Variants in WDR70 observed in about 807,000 individuals in gnomAD.
WDR70 encodes the protein WD repeat domain 70.
Under a neutral mutation model 88.6 loss-of-function variants are expected in WDR70, and 53 were observed. That is an observed-to-expected ratio of 0.60 (90% confidence interval 0.48 to 0.75). The LOEUF (loss-of-function observed/expected upper bound fraction) is 0.75. WDR70 is among the 30% of genes least tolerant of loss of function. The pLI, the probability that WDR70 is intolerant of heterozygous loss-of-function variation, is 0.00. For missense variants in WDR70, 610 were observed against 823.2 expected (o/e 0.74, Z 3.17); for synonymous variants, 280 against 270.0 (o/e 1.04, Z -0.36).
chr5:37,701,468 C>CTT (rs1561080094), intron 12 of WDR70, among the ~76,000 whole-genome samples: 2 of 151,982 alleles, frequency 1.3e-5, no homozygotes, highest in African/African-American at 4.8e-5. Context: ...CAAGGTAGGC[C>CTT]TTTTAAAATT....
At chr5:37,508,524 A>T (rs1239783337) in intron 8 of WDR70, among the ~76,000 whole-genome samples, 1 of 152,200 alleles carries the variant, frequency 6.6e-6, no homozygotes, top group Non-Finnish European at 1.5e-5. Flanking sequence ...AGAGTTTTTT[A>T]TCATGAATGG....
intron 5 of WDR70, among the ~76,000 whole-genome samples, chr5:37,414,409 A>C (rs1283665494): frequency 6.6e-6 from 1 of 152,106 alleles, no homozygotes; most frequent in Non-Finnish European, 1.5e-5. Context: ...AGAACTTCAC[A>C]TGGCTCCCTT....
intron 6 of WDR70, among the ~76,000 whole-genome samples, chr5:37,440,624 C>A (rs1296010142): frequency 6.6e-6 from 1 of 152,220 alleles, no homozygotes; most frequent in South Asian, 2.1e-4. Flanking sequence ...GGATTACAGG[C>A]GTGAGCCACT....
chr5:37,444,941 T>C (rs1404838047), intron 7 of WDR70, among the ~76,000 whole-genome samples: 3 of 152,154 alleles, frequency 2.0e-5, no homozygotes, highest in Non-Finnish European at 4.4e-5. Context: ...AATCGAATGC[T>C]ATTGTTGATC....
In WDR70 at chr5:37,448,476, G is replaced by A. The variant is rs571007485; in HGVS notation, c.686+5104G>A. 2.4e-3 allele frequency among the ~76,000 whole-genome samples: 367 copies of A among 152,164 alleles called. 2 individuals are homozygous for A. Among genetic ancestry groups the A allele is most frequent in the African/African-American group, 8.3e-3 (343 of 41,518 alleles). On this transcript the variant is annotated intron_variant, in intron 7 of 17. Transcript: ENST00000265107. ...GGAAAGAGGTAGAAAATATAGACGC[G>A]TATGTATTCATGCATATATGTGTCT...
intron 10 of WDR70, chr5:37,687,962 C>G (rs754279449): frequency 2.9e-6 from 2 of 691,152 alleles, no homozygotes; most frequent in South Asian, 3.1e-5. Flanking sequence ...TGGGCTCACA[C>G]TGAAGTTTGT....
intron 10 of WDR70, among the ~76,000 whole-genome samples, chr5:37,652,681 TA>T (rs990403759): frequency 5.1e-4 from 77 of 152,176 alleles, no homozygotes; most frequent in African/African-American, 1.9e-3. Flanking sequence ...GATTCCTAGG[TA>T]TTTTATTCTC....
At chr5:37,414,745 A>T (rs1316277955) in intron 5 of WDR70, among the ~76,000 whole-genome samples, 3 of 151,944 alleles carry the variant, frequency 2.0e-5, no homozygotes, top group Admixed American at 1.3e-4. Context: ...TAAACATTTC[A>T]TTGAATCAAA....
chr5:37,455,902 G>A (rs1738821903), intron 7 of WDR70, among the ~76,000 whole-genome samples: 1 of 151,994 alleles, frequency 6.6e-6, no homozygotes. Context: ...GGTAACCACT[G>A]ATGTGATTTT....
intron 10 of WDR70, among the ~76,000 whole-genome samples, chr5:37,609,077 A>G (rs1744114271): frequency 6.6e-6 from 1 of 152,244 alleles, no homozygotes; most frequent in African/African-American, 2.4e-5. Context: ...ACATTTAAAG[A>G]ATAGTAGCAT....
chr5:37,413,484 A>T (rs1035917432), intron 5 of WDR70, among the ~76,000 whole-genome samples: 2 of 152,102 alleles, frequency 1.3e-5, no homozygotes, highest in Non-Finnish European at 2.9e-5. Context: ...GCACTTTGGG[A>T]GGCTGAGGTG....
chr5:37,560,884 C>G (rs1352276927), intron 9 of WDR70, among the ~76,000 whole-genome samples: 1 of 149,018 alleles, frequency 6.7e-6, no homozygotes, highest in South Asian at 2.1e-4. Flanking sequence ...CAATAATAGC[C>G]CACTGCAGCC....
intron 3 of WDR70, among the ~76,000 whole-genome samples, chr5:37,388,086 G>A (rs1277095468): frequency 6.6e-6 from 1 of 151,948 alleles, no homozygotes; most frequent in Non-Finnish European, 1.5e-5. Flanking sequence ...GTTCTTGAAA[G>A]CTATAAGTAT....
At chr5:37,543,549 G>A (rs1403355711) in intron 9 of WDR70, among the ~76,000 whole-genome samples, 1 of 151,920 alleles carries the variant, frequency 6.6e-6, no homozygotes, top group Non-Finnish European at 1.5e-5. Flanking sequence ...CAGATATGAT[G>A]AACTGTTATA....
intron 5 of WDR70, among the ~76,000 whole-genome samples, chr5:37,419,408 C>T (rs1452230787): frequency 1.3e-5 from 2 of 149,980 alleles, no homozygotes; most frequent in Non-Finnish European, 3.0e-5. Context: ...GTTTCACCAT[C>T]TTGGCCAGGC....
chr5:37,470,510 C>T (rs1318654497), intron 7 of WDR70, among the ~76,000 whole-genome samples: 1 of 152,204 alleles, frequency 6.6e-6, no homozygotes, highest in African/African-American at 2.4e-5. Flanking sequence ...CCACAACCTT[C>T]TCATCCTGAC....
intron 3 of WDR70, among the ~76,000 whole-genome samples, chr5:37,384,638 C>T (rs1300728649): frequency 9.4e-5 from 11 of 116,790 alleles, no homozygotes; most frequent in Admixed American, 1.3e-4. Flanking sequence ...CCAGCCTGGG[C>T]GACAGAGTGA....
rs920852262 is a variant in WDR70, at chr5:37,516,668, G to A, written c.917+78G>A. On this transcript the variant is annotated intron_variant, in intron 9 of 17. Coordinates refer to ENST00000265107, the MANE Select transcript of WDR70 (RefSeq NM_018034.4). Reference sequence around the variant, plus strand: ...TTAACGTTTGGATTGTTACAATCTTGGCAGTAATGTAGTAAGTGGAATATT... The same window carrying A: ...TTAACGTTTGGATTGTTACAATCTTAGCAGTAATGTAGTAAGTGGAATATT... 9 of 858,676 alleles carry A rather than the reference G, an allele frequency of 1.0e-5. No individual in the cohort carries two copies. The African/African-American group carries it at 1.3e-4, about 13-fold the overall frequency. 53.2% of individuals were successfully genotyped at this position (858,676 alleles called of 1,614,324 possible).
chr5:37,463,277 A>G (rs1167575492), intron 7 of WDR70, among the ~76,000 whole-genome samples: 1 of 151,996 alleles, frequency 6.6e-6, no homozygotes, highest in African/African-American at 2.4e-5. Flanking sequence ...GTATCGAAAA[A>G]AAAAAAAAGA....
Sources: allele counts gnomAD v4.1 joint callset (sites outside exome capture counted in the v4.1 genomes callset), GRCh38; gene constraint gnomAD v4.1.1; transcripts MANE v1.5; gene names NCBI Gene and HGNC (gene_info 2026-07-23, HGNC 2026-07-21).